Variants in PTPRS observed in about 807,000 individuals in gnomAD.
PTPRS encodes the protein receptor-type tyrosine-protein phosphatase S.
Under a neutral mutation model 215.3 loss-of-function variants are expected in PTPRS, and 63 were observed. The ratio of observed to expected loss-of-function variants is 0.29; its 90% confidence interval spans 0.24 to 0.36. PTPRS has a LOEUF of 0.36. Ranked by LOEUF, PTPRS falls within the 10% of genes least tolerant of loss-of-function variation. The pLI, the probability that PTPRS is intolerant of heterozygous loss-of-function variation, is 1.00. For missense variants in PTPRS, 2,258 were observed against 2,825.8 expected (o/e 0.80, Z 4.56); for synonymous variants, 1,404 against 1,191.4 (o/e 1.18, Z -3.68).
At chr19:5,313,962 AATAAT>A (rs2049792068) in intron 1 of PTPRS, among the ~76,000 whole-genome samples, 1 of 150,920 alleles carries the variant, frequency 6.6e-6, no homozygotes, top group Admixed American at 6.6e-5. Context: ...TAATAATAAT[AATAAT>A]AATAAATAAA....
At chr19:5,340,434 GCGCGGCCCCGGCCCTGT>G in intron 1 of PTPRS, among the ~76,000 whole-genome samples, 1 of 148,196 alleles carries the variant, frequency 6.7e-6, no homozygotes, top group African/African-American at 2.5e-5. Context: ...AGCGCCCCCA[GCGCGGCCCCGGCCCTGT>G]CCCTCGGGGC....
In PTPRS at chr19:5,210,709, C is replaced by T; in HGVS notation, c.5331G>A (p.Val1777=). 1 of 1,614,214 alleles carries T rather than the reference C, an allele frequency of 6.2e-7. No homozygotes were observed. Among genetic ancestry groups the T allele is most frequent in the Non-Finnish European group, 8.5e-7 (1 of 1,180,046 alleles). The stretch of plus-strand genomic sequence containing the variant: ...CCATCTCCCGCAGCTTGGTCAGCAT[C>T]ACCACGATCGTCGAATTGTTCTCCC... ...MLWENNSTIV[V]MLTKLREMGR... The change falls in exon 34 of 38, where the codon GTG becomes GTA. Residue 1777 remains valine (V), a synonymous_variant. Coordinates refer to ENST00000262963, the MANE Select transcript of PTPRS (RefSeq NM_002850.4). The surrounding 1 kb of genome is among the most constrained non-coding windows in gnomAD (Gnocchi z 4.5).
At chr19:5,300,101 T>G (rs1266431548) in intron 1 of PTPRS, among the ~76,000 whole-genome samples, 2 of 151,026 alleles carry the variant, frequency 1.3e-5, no homozygotes, top group Non-Finnish European at 3.0e-5. Context: ...ATTAGCTGAG[T>G]GTGGTGGTGC....
intron 27 of PTPRS, 41 bp from the exon 28 acceptor site, chr19:5,215,453 C>T: frequency 1.3e-6 from 2 of 1,588,694 alleles, no homozygotes; most frequent in South Asian, 1.1e-5. Flanking sequence ...GGGTAGGTGC[C>T]TGTGAGGCCG....
rs138680498 is a variant in PTPRS at position 5,262,445 on chromosome 19, C to A, written c.577+519G>T. On this transcript the variant is annotated intron_variant, in intron 6 of 37. Coordinates refer to ENST00000262963, the MANE Select transcript of PTPRS (RefSeq NM_002850.4). ...CTCTCACTTTAGTATGAATTAGTCC[C>A]ACAACTGATTTCAGGAGATTCAGGC... is the stretch of plus-strand genomic sequence containing the variant. Among the ~76,000 whole-genome samples the A allele has an allele frequency of 3.5e-3, 540 of 152,254 alleles. 2 individuals are homozygous for A. The highest frequency in any genetic ancestry group is 6.7e-3 in the Non-Finnish European group (455 of 68,032).
rs570027664 is a variant in PTPRS at position 5,277,716 on chromosome 19, C to T, written c.92-3372G>A. The stretch of plus-strand genomic sequence containing the variant: ...CGGCGCTGCCTAAGGAGGTGGCAGC[C>T]GTCTCCTCCTCAGCATCATGGCCGC... On this transcript the variant is annotated intron_variant, in intron 2 of 37. Transcript: ENST00000262963. 2.6e-4 allele frequency: 161 copies of T among 624,298 alleles called. No individual in the cohort carries two copies. The African/African-American group carries it at 2.6e-3, about 10-fold the overall frequency. The allele number at this position is 624,298 out of a possible 1,614,324, so 38.7% of individuals were successfully genotyped here. A position where few individuals can be genotyped will look rare whatever the true frequency, so the allele number is the denominator to read the frequency against.
intron 13 of PTPRS, among the ~76,000 whole-genome samples, chr19:5,233,228 A>G (rs910724018): frequency 2.0e-5 from 3 of 152,020 alleles, no homozygotes; most frequent in South Asian, 4.2e-4. Flanking sequence ...GGGAACAGCA[A>G]CAGAGCTCTA....
At chr19:5,230,484 G>A (rs908527198) in intron 14 of PTPRS, among the ~76,000 whole-genome samples, 3 of 151,998 alleles carry the variant, frequency 2.0e-5, no homozygotes, top group Non-Finnish European at 2.9e-5. Flanking sequence ...GTAGAGATGG[G>A]GTCTCACTCT....
chr19:5,338,891 G>C lies in PTPRS; in HGVS notation c.-95+1773C>G, dbSNP rs1483017885. Among the ~76,000 whole-genome samples, 3 of 152,202 alleles carry C rather than the reference G, an allele frequency of 2.0e-5. No homozygotes were observed. The highest frequency in any genetic ancestry group is 4.8e-5 in the African/African-American group (2 of 41,448). Reference sequence around the variant, plus strand: ...AGGGCGCCCCAGACAAAGAGGCGCCGTCACCCTCTGCACCCCAAGGACAGC... The same window carrying C: ...AGGGCGCCCCAGACAAAGAGGCGCCCTCACCCTCTGCACCCCAAGGACAGC... On this transcript the variant is annotated intron_variant, in intron 1 of 37. Transcript: ENST00000262963. The surrounding 1 kb of genome is among the most constrained non-coding windows in gnomAD (Gnocchi z 4.2).
intron 1 of PTPRS, among the ~76,000 whole-genome samples, chr19:5,298,148 G>C (rs1450268792): frequency 6.6e-6 from 1 of 152,120 alleles, no homozygotes; most frequent in East Asian, 1.9e-4. Context: ...TCGTTCGATG[G>C]GGATCACCAT....
intron 9 of PTPRS, among the ~76,000 whole-genome samples, chr19:5,246,893 G>A (rs985610554): frequency 6.6e-6 from 1 of 152,000 alleles, no homozygotes; most frequent in South Asian, 2.1e-4. Context: ...TTGAGAGAGA[G>A]AGAGAGAGAG....
At chr19:5,231,816 G>A (rs73543290) in intron 13 of PTPRS, among the ~76,000 whole-genome samples, 13,849 of 151,988 alleles carry the variant, frequency 0.091, 1,080 homozygotes, top group African/African-American at 0.21. Context: ...TGGGCGGGCA[G>A]GTGGGATGGG....
In PTPRS at chr19:5,266,751, C is replaced by T. The variant is rs368088710; in HGVS notation, c.380-1555G>A. ...TCAGAAGGAACCCTGCCTGCTTGCC[C>T]GCTGCTGGCCCCTGCCACCTTCCCT... On this transcript the variant is annotated intron_variant, in intron 4 of 37. Transcript: ENST00000262963. Among the ~76,000 whole-genome samples the T allele has an allele frequency of 6.6e-5, 10 of 152,232 alleles. 1 individual carries two copies. Among genetic ancestry groups the T allele is most frequent in the African/African-American group, 9.6e-5 (4 of 41,536 alleles).
intron 11 of PTPRS, 29 bp from the exon 12 acceptor site, chr19:5,240,361 G>T (rs779568032): frequency 1.3e-6 from 2 of 1,552,676 alleles, no homozygotes; most frequent in South Asian, 2.4e-5. Context: ...ACAACTAGGA[G>T]TCGGGGAGCG....
At chr19:5,214,503 T>C (rs113354670) in intron 29 of PTPRS, 23 bp from the exon 30 acceptor site, 14 of 1,613,718 alleles carry the variant, frequency 8.7e-6, no homozygotes, top group Middle Eastern at 1.7e-4. Flanking sequence ...AGAGAACAGG[T>C]GTCAGCAGGG....
chr19:5,305,159 G>C (rs2049438735), intron 1 of PTPRS, among the ~76,000 whole-genome samples: 1 of 152,216 alleles, frequency 6.6e-6, no homozygotes, highest in Non-Finnish European at 1.5e-5. Context: ...ACTCAGAACT[G>C]AGCTGGGCAT....
chr19:5,329,516 A>C (rs1482641632), intron 1 of PTPRS, among the ~76,000 whole-genome samples: 1 of 152,202 alleles, frequency 6.6e-6, no homozygotes, highest in East Asian at 1.9e-4. Flanking sequence ...CTGGAATCCT[A>C]GCACTTTGGG....
intron 1 of PTPRS, among the ~76,000 whole-genome samples, chr19:5,301,438 C>A (rs1369293094): frequency 6.6e-6 from 1 of 151,898 alleles, no homozygotes; most frequent in Non-Finnish European, 1.5e-5. Flanking sequence ...GCCTCAGCCT[C>A]CCGATTAGCT....
In PTPRS at chr19:5,223,042, GCCT is replaced by G. The variant is rs1179475124; in HGVS notation, c.2747_2749del (p.Glu916del). ...CTCCGGGATGCTCAGGACCTCGGCT[GCCT>G]CCTCGCCCAGGCCGCCGCGGCTCCG... On this transcript the variant is annotated inframe_deletion, in exon 18 of 38. Transcript: ENST00000262963. 6.5e-7 allele frequency: 1 copy of G among 1,548,110 alleles called. No homozygotes were observed. Among genetic ancestry groups the G allele is most frequent in the Admixed American group, 2.0e-5 (1 of 51,258 alleles).
Sources: gnomAD v4.1 joint callset for allele counts (sites outside exome capture counted in the v4.1 genomes callset) on GRCh38, gnomAD v4.1.1 for gene constraint, Gnocchi (gnomAD v3.1) non-coding constraint, MANE v1.5 for transcripts, NCBI Gene and HGNC (gene_info 2026-07-23, HGNC 2026-07-21) for gene names.